The following PSMD1 variants were observed in gnomAD, a reference collection of about 807,000 sequenced individuals.
The protein encoded by PSMD1 is proteasome 26S subunit, non-ATPase 1.
Under a neutral mutation model 119.0 loss-of-function variants are expected in PSMD1, and 18 were observed. The ratio of observed to expected loss-of-function variants is 0.15; its 90% CI spans 0.10 to 0.22. The LOEUF (loss-of-function observed/expected upper bound fraction) is 0.22, where lower values mean the gene tolerates loss of function less well. PSMD1 is among the 10% of genes least tolerant of loss of function. The pLI is 1.00. For synonymous variants in PSMD1, 374 were observed against 396.6 expected (o/e 0.94, Z 0.68); for missense variants, 702 against 1,158.5 (o/e 0.61, Z 5.72).
intron 16 of PSMD1, among the ~76,000 whole-genome samples, chr2:231,105,747 A>G (rs1694959659): frequency 6.6e-6 from 1 of 152,208 alleles, no homozygotes; most frequent in Admixed American, 6.5e-5. Flanking sequence ...ATGTTACATC[A>G]TCATTGATCC....
intron 16 of PSMD1, among the ~76,000 whole-genome samples, chr2:231,129,213 A>G (rs999295977): frequency 8.5e-5 from 13 of 152,224 alleles, no homozygotes; most frequent in African/African-American, 2.9e-4. Flanking sequence ...AAGAAATATC[A>G]ATACAGTTCT....
At chr2:231,093,409 G>A (rs1463468847) in intron 16 of PSMD1, among the ~76,000 whole-genome samples, 2 of 152,148 alleles carry the variant, frequency 1.3e-5, no homozygotes, top group Non-Finnish European at 1.5e-5. Context: ...CGGGGCTTGT[G>A]TCATCCTAGG....
At chr2:231,084,996 T>C (rs765362867) in intron 14 of PSMD1, 23 bp from the exon 15 acceptor site, 12 of 1,569,138 alleles carry the variant, frequency 7.6e-6, no homozygotes, top group Non-Finnish European at 9.7e-6. Context: ...AGTTGATGAT[T>C]AATGTTAAAT....
At chr2:231,076,623 C>T (rs555042130) in intron 8 of PSMD1, among the ~76,000 whole-genome samples, 1 of 151,628 alleles carries the variant, frequency 6.6e-6, no homozygotes, top group Non-Finnish European at 1.5e-5. Flanking sequence ...CACTGCACCC[C>T]AGCTGGGGCA....
Position 231,161,522 on chromosome 2 carries a change from G to A in PSMD1, c.2388+13G>A. 6.2e-7 allele frequency: 1 copy of A among 1,606,122 alleles called. No individual in the cohort carries two copies. The highest frequency in any genetic ancestry group is 8.5e-7 in the Non-Finnish European group (1 of 1,174,442). On this transcript the variant is annotated intron_variant, in intron 20 of 24. Transcript: ENST00000308696. Reference sequence around the variant, plus strand: ...CAAGGACTTAAAGGTATGTCTGTGAGACCTCAGCTTTGTAGTATTTCCTGT... The same window carrying A: ...CAAGGACTTAAAGGTATGTCTGTGAAACCTCAGCTTTGTAGTATTTCCTGT...
At chr2:231,171,213 G>A (rs1433550901) in intron 24 of PSMD1, among the ~76,000 whole-genome samples, 4 of 152,072 alleles carry the variant, frequency 2.6e-5, no homozygotes, top group South Asian at 4.2e-4. Context: ...CATCTCCTTC[G>A]ACAGTATTTT....
At chr2:231,067,690 T>TC (rs1163748649) in intron 5 of PSMD1, among the ~76,000 whole-genome samples, 1 of 152,126 alleles carries the variant, frequency 6.6e-6, no homozygotes, top group East Asian at 1.9e-4. Flanking sequence ...GGAGTCTCGC[T>TC]CTGTCAACCA....
At chr2:231,140,813 G>A (rs1696089228) in intron 17 of PSMD1, among the ~76,000 whole-genome samples, 1 of 152,044 alleles carries the variant, frequency 6.6e-6, no homozygotes. Flanking sequence ...AGGAGGTGGA[G>A]GTTCCAGTAA....
In PSMD1 at chr2:231,070,220, A is replaced by G. The variant is rs769502117; in HGVS notation, c.654+52A>G. ...ACATTGCTCCACGCTGTACTGTGCT[A>G]TGCTATACCACTTCACATTTTATTA... On this transcript the variant is annotated intron_variant, in intron 6 of 24. Coordinates refer to ENST00000308696, the MANE Select transcript of PSMD1 (RefSeq NM_002807.4). 3.9e-6 allele frequency: 5 copies of G among 1,280,014 alleles called. No homozygotes were observed. In the East Asian group the frequency reaches 1.1e-4, roughly 29 times the overall value. 79.3% of individuals were successfully genotyped at this position (1,280,014 alleles called of 1,614,324 possible). A position where few individuals can be genotyped will look rare whatever the true frequency, so the allele number is the denominator to read the frequency against.
intron 16 of PSMD1, among the ~76,000 whole-genome samples, chr2:231,132,360 A>G (rs1275196791): frequency 6.6e-6 from 1 of 152,210 alleles, no homozygotes; most frequent in Non-Finnish European, 1.5e-5. Context: ...CTTGCAGCCA[A>G]GGGGTAACTT....
intron 16 of PSMD1, among the ~76,000 whole-genome samples, chr2:231,121,176 T>TTATATA (rs1386621721): frequency 6.6e-6 from 1 of 152,200 alleles, no homozygotes; most frequent in African/African-American, 2.4e-5. Context: ...ACTATACAAC[T>TTATATA]TATTTCTGAT....
chr2:231,065,160 C>T (rs1693870897), intron 4 of PSMD1, among the ~76,000 whole-genome samples: 2 of 150,992 alleles, frequency 1.3e-5, no homozygotes, highest in South Asian at 4.2e-4. Context: ...ACTAATAAAT[C>T]TTGCCCTCGT....
intron 1 of PSMD1, chr2:231,060,307 C>T (rs1693723639): frequency 6.6e-6 from 1 of 152,092 alleles, no homozygotes; most frequent in African/African-American, 2.4e-5. Flanking sequence ...TGTGTGGCTT[C>T]CTAAAGATTG....
chr2:231,059,178 A>C (rs891195682), intron 1 of PSMD1, among the ~76,000 whole-genome samples: 7 of 152,180 alleles, frequency 4.6e-5, no homozygotes, highest in Non-Finnish European at 8.8e-5. Context: ...AAAACTAATA[A>C]TTTTTGAGGT....
chr2:231,137,892 AT>A lies in PSMD1; in HGVS notation c.1884-843del, dbSNP rs1287131952. 2.6e-5 allele frequency among the ~76,000 whole-genome samples: 4 copies of A among 152,352 alleles called. No individual in the cohort carries two copies. The East Asian group carries it at 7.7e-4, about 29-fold the overall frequency. ...TTTCATTCTTCATGGCTGCAAAAAA[AT>A]CTTTTTATTGAAGTTTAATATACAT... On this transcript the variant is annotated intron_variant, in intron 16 of 24. Transcript: ENST00000308696.
chr2:231,163,404 AG>A (rs1696684889), intron 20 of PSMD1: 1 of 430,176 alleles, frequency 2.3e-6, no homozygotes, highest in Non-Finnish European at 4.1e-6. Flanking sequence ...ATAAAGATAA[AG>A]GGATGCCCAT....
At chr2:231,161,646 G>A in intron 20 of PSMD1, 137 bp downstream of exon 20, 1 of 991,484 alleles carries the variant, frequency 1.0e-6, no homozygotes, top group Non-Finnish European at 1.5e-6. Flanking sequence ...CCTTCAAGTT[G>A]AATCGTCACC....
chr2:231,057,735 A>G (rs1693639375), intron 1 of PSMD1, among the ~76,000 whole-genome samples: 1 of 152,262 alleles, frequency 6.6e-6, no homozygotes, highest in Admixed American at 6.5e-5. Context: ...AGCAGGTTTC[A>G]TACGCGCAAA....
At chr2:231,140,878 C>CA (rs1412285135) in intron 17 of PSMD1, among the ~76,000 whole-genome samples, 1 of 148,982 alleles carries the variant, frequency 6.7e-6, no homozygotes, top group Admixed American at 6.7e-5. Context: ...AACTCCATCT[C>CA]AAAAAAAAGG....
Sources: gnomAD v4.1 joint callset for allele counts (sites outside exome capture counted in the v4.1 genomes callset) on GRCh38, gnomAD v4.1.1 for gene constraint, MANE v1.5 for transcripts, NCBI Gene and HGNC (gene_info 2026-07-23, HGNC 2026-07-21) for gene names.